MACROD2: variants seen among roughly 807,000 people sequenced by gnomAD.
The protein encoded by MACROD2 is ADP-ribose glycohydrolase MACROD2.
Under a neutral mutation model 70.4 loss-of-function variants are expected in MACROD2, and 36 were observed. The ratio of observed to expected loss-of-function variants is 0.51; its 90% CI spans 0.39 to 0.68. The LOEUF (loss-of-function observed/expected upper bound fraction) is 0.68. Ranked by LOEUF, MACROD2 falls within the 30% of genes least tolerant of loss-of-function variation. The pLI is 0.00. For missense variants in MACROD2, 496 were observed against 538.4 expected (o/e 0.92, Z 0.78); for synonymous variants, 172 against 178.8 (o/e 0.96, Z 0.30).
intron 8 of MACROD2, among the ~76,000 whole-genome samples, chr20:15,503,244 T>A (rs1396891176): frequency 6.6e-6 from 1 of 152,204 alleles, no homozygotes; most frequent in Non-Finnish European, 1.5e-5. Flanking sequence ...AAGAGCATGT[T>A]TATATGAAAA....
intron 10 of MACROD2, among the ~76,000 whole-genome samples, chr20:15,896,289 C>T (rs1334234013): frequency 6.6e-6 from 1 of 152,160 alleles, no homozygotes; most frequent in Admixed American, 6.5e-5. Context: ...TGGCCCACTT[C>T]CCACCCTCAC....
At chr20:14,971,726 T>C (rs1207203193) in intron 5 of MACROD2, among the ~76,000 whole-genome samples, 1 of 152,066 alleles carries the variant, frequency 6.6e-6, no homozygotes, top group Non-Finnish European at 1.5e-5. Context: ...CAAAGATTGG[T>C]TGGATCAGGT....
At chr20:14,911,614 C>G (rs942590145) in intron 5 of MACROD2, among the ~76,000 whole-genome samples, 1 of 152,062 alleles carries the variant, frequency 6.6e-6, no homozygotes, top group Non-Finnish European at 1.5e-5. Flanking sequence ...TGCAAGTGAT[C>G]CTTCTACCTC....
chr20:15,075,257 TTGA>T (rs1159587496), intron 5 of MACROD2, among the ~76,000 whole-genome samples: 1 of 151,856 alleles, frequency 6.6e-6, no homozygotes, highest in East Asian at 1.9e-4. Context: ...GTAAACTACT[TTGA>T]TGGGCATTTA....
At chr20:13,996,160 G>T (rs2052644653) in intron 1 of MACROD2, among the ~76,000 whole-genome samples, 1 of 146,964 alleles carries the variant, frequency 6.8e-6, no homozygotes, top group Non-Finnish European at 1.5e-5. Flanking sequence ...CTGCACCGCA[G>T]CTGGGACTTG....
intron 6 of MACROD2, among the ~76,000 whole-genome samples, chr20:15,252,235 T>C (rs1013461066): frequency 1.3e-5 from 2 of 152,214 alleles, no homozygotes; most frequent in Non-Finnish European, 2.9e-5. Flanking sequence ...AATAAATTCA[T>C]CTCAAAGTTT....
chr20:14,528,474 A>T (rs983168485), intron 4 of MACROD2, among the ~76,000 whole-genome samples: 2 of 151,902 alleles, frequency 1.3e-5, no homozygotes, highest in East Asian at 1.9e-4. Flanking sequence ...ACTCCTTAAC[A>T]TGGTGTACAA....
At chr20:15,362,104 C>T (rs907518883) in intron 6 of MACROD2, among the ~76,000 whole-genome samples, 15 of 151,710 alleles carry the variant, frequency 9.9e-5, no homozygotes, top group African/African-American at 1.4e-4. Flanking sequence ...CTCCGCCTCC[C>T]GGGTTCAAGC....
At chr20:15,814,165 G>A (rs753258582) in intron 8 of MACROD2, among the ~76,000 whole-genome samples, 39 of 152,120 alleles carry the variant, frequency 2.6e-4, no homozygotes, top group Non-Finnish European at 3.5e-4. Context: ...GATGTTGCCC[G>A]TGCCCTGTTC....
chr20:14,194,251 G>A (rs751196184), intron 3 of MACROD2, among the ~76,000 whole-genome samples: 3 of 152,202 alleles, frequency 2.0e-5, no homozygotes, highest in Non-Finnish European at 2.9e-5. Context: ...ATACATTGTT[G>A]TGTATCAAGG....
chr20:14,721,542 C>T (rs2071470044), intron 5 of MACROD2, among the ~76,000 whole-genome samples: 1 of 152,144 alleles, frequency 6.6e-6, no homozygotes, highest in Admixed American at 6.5e-5. Flanking sequence ...CTGGCTTACA[C>T]ATGAGAAATA....
At chr20:15,570,410 G>T (rs117173843) in intron 8 of MACROD2, among the ~76,000 whole-genome samples, 1 of 152,270 alleles carries the variant, frequency 6.6e-6, no homozygotes, top group Non-Finnish European at 1.5e-5. Context: ...TAGGCTTGGG[G>T]ATCAGTCTTG....
chr20:14,418,975 T>C (rs1324084480), intron 3 of MACROD2, among the ~76,000 whole-genome samples: 2 of 152,196 alleles, frequency 1.3e-5, no homozygotes, highest in African/African-American at 4.8e-5. Context: ...TATTGTCACG[T>C]CTTCCTAGAT....
intron 4 of MACROD2, among the ~76,000 whole-genome samples, chr20:14,507,714 A>T (rs569290906): frequency 6.6e-6 from 1 of 152,320 alleles, no homozygotes; most frequent in South Asian, 2.1e-4. Context: ...TGCCACAACA[A>T]TGAATCAATA....
At chr20:14,705,604 A>G (rs1316915474) in intron 5 of MACROD2, among the ~76,000 whole-genome samples, 1 of 152,224 alleles carries the variant, frequency 6.6e-6, no homozygotes, top group Non-Finnish European at 1.5e-5. Flanking sequence ...TTATGGGAGT[A>G]ATATAAAGAC....
chr20:15,326,357 T>C (rs1405700864), intron 6 of MACROD2, among the ~76,000 whole-genome samples: 1 of 152,148 alleles, frequency 6.6e-6, no homozygotes, highest in African/African-American at 2.4e-5. Context: ...TGTTAAAATA[T>C]ATCTAAAATA....
intron 5 of MACROD2, among the ~76,000 whole-genome samples, chr20:15,111,907 G>C (rs2075958419): frequency 6.6e-6 from 1 of 152,174 alleles, no homozygotes; most frequent in Non-Finnish European, 1.5e-5. Context: ...CTCAGCCCCT[G>C]CCTAATGCAA....
chr20:14,729,129 C>T (rs1271782680), intron 5 of MACROD2, among the ~76,000 whole-genome samples: 3 of 151,998 alleles, frequency 2.0e-5, no homozygotes, highest in Admixed American at 2.0e-4. Flanking sequence ...AAATAAATGG[C>T]ACAAAAGTGC....
In MACROD2 at chr20:14,969,228, G is replaced by A. The variant is rs2074667725; in HGVS notation, c.419-260712G>A. On this transcript the variant is annotated intron_variant, in intron 5 of 17. Coordinates refer to ENST00000684519, the MANE Select transcript of MACROD2 (RefSeq NM_001351661.2). ...ACCTGGACCCAAACATCAGAGTGTTGGTAATGGTAGTATCCAGGTATTTGG... is the reference window on the plus strand; with the variant it reads ...ACCTGGACCCAAACATCAGAGTGTTAGTAATGGTAGTATCCAGGTATTTGG... Among the ~76,000 whole-genome samples the A allele has an allele frequency of 3.3e-5, 5 of 151,668 alleles. No homozygotes were observed. In the South Asian group the frequency reaches 1.0e-3, roughly 32 times the overall value.
Sources: allele counts gnomAD v4.1 joint callset (sites outside exome capture counted in the v4.1 genomes callset), GRCh38; gene constraint gnomAD v4.1.1; transcripts MANE v1.5; gene names NCBI Gene and HGNC (gene_info 2026-07-23, HGNC 2026-07-21).